Variants in MIR2052HG observed in about 807,000 individuals in gnomAD.
MIR2052HG encodes MIR2052 host gene.
At chr8:74,743,946 G>A (rs1809857065) in intron 4 of MIR2052HG, among the ~76,000 whole-genome samples, 1 of 152,108 alleles carries the variant, frequency 6.6e-6, no homozygotes, top group Non-Finnish European at 1.5e-5. Flanking sequence ...TTAATGCCAC[G>A]AAACTTAAAA....
At chr8:74,640,348 G>T (rs986616597) in intron 2 of MIR2052HG, among the ~76,000 whole-genome samples, 1 of 151,616 alleles carries the variant, frequency 6.6e-6, no homozygotes, top group South Asian at 2.1e-4. Context: ...GTGCTTGCCT[G>T]TAGTCCCAGC....
intron 2 of MIR2052HG, among the ~76,000 whole-genome samples, chr8:74,651,690 T>A (rs1339120690): frequency 1.3e-5 from 2 of 152,188 alleles, no homozygotes; most frequent in African/African-American, 4.8e-5. Flanking sequence ...GAGAACTTCC[T>A]TTTTATCCTC....
At chr8:74,696,286 A>G (rs995148862) in intron 2 of MIR2052HG, among the ~76,000 whole-genome samples, 1 of 152,164 alleles carries the variant, frequency 6.6e-6, no homozygotes, top group Non-Finnish European at 1.5e-5. Context: ...GATAATAGTG[A>G]CACAACCTCT....
chr8:74,747,894 T>C (rs1233118837), intron 4 of MIR2052HG, among the ~76,000 whole-genome samples: 1 of 152,182 alleles, frequency 6.6e-6, no homozygotes, highest in Non-Finnish European at 1.5e-5. Context: ...CCTAGAAAAT[T>C]TTCCTCATGA....
chr8:74,692,855 A>G (rs1563532948), intron 2 of MIR2052HG, among the ~76,000 whole-genome samples: 1 of 152,196 alleles, frequency 6.6e-6, no homozygotes. Flanking sequence ...TCAAGGTTAT[A>G]TGACTCCAGA....
At chr8:74,690,870 C>A (rs1809232894) in intron 2 of MIR2052HG, among the ~76,000 whole-genome samples, 1 of 151,692 alleles carries the variant, frequency 6.6e-6, no homozygotes, top group Admixed American at 6.6e-5. Context: ...CAGAAAGAGG[C>A]AAAAAGGACA....
chr8:74,647,854 A>G (rs1443729656), intron 2 of MIR2052HG, among the ~76,000 whole-genome samples: 1 of 152,152 alleles, frequency 6.6e-6, no homozygotes, highest in Non-Finnish European at 1.5e-5. Context: ...AGGGACATTT[A>G]TCACTTCCCC....
intron 2 of MIR2052HG, among the ~76,000 whole-genome samples, chr8:74,672,611 A>G (rs1809005040): frequency 6.6e-6 from 1 of 152,106 alleles, no homozygotes; most frequent in Non-Finnish European, 1.5e-5. Flanking sequence ...TGGGAAGAAC[A>G]CTGACAGGCA....
rs1163164791 is a variant in MIR2052HG at position 74,755,653 on chromosome 8, G to A, written n.465-2458G>A. On this transcript the variant is annotated intron_variant and non_coding_transcript_variant, in intron 5 of 6. Coordinates refer to ENST00000523442, the Ensembl canonical transcript of MIR2052HG. The stretch of plus-strand genomic sequence containing the variant: ...ACTGTCAGATGCACGGTCTTCCAGC[G>A]TTCTATCCATCTGTTTCCCTGTCTT... Among the ~76,000 whole-genome samples the A allele has an allele frequency of 2.0e-5, 3 of 152,246 alleles. No homozygotes were observed. In the East Asian group the frequency reaches 5.8e-4, roughly 29 times the overall value.
At chr8:74,662,379 T>C (rs1331462790) in intron 2 of MIR2052HG, among the ~76,000 whole-genome samples, 1 of 151,678 alleles carries the variant, frequency 6.6e-6, no homozygotes, top group Non-Finnish European at 1.5e-5. Context: ...AGAAGTAGGA[T>C]TCTAATGAGA....
intron 4 of MIR2052HG, among the ~76,000 whole-genome samples, chr8:74,704,485 A>G (rs962805238): frequency 6.6e-6 from 1 of 152,008 alleles, no homozygotes; most frequent in Non-Finnish European, 1.5e-5. Context: ...GAGATCCAGC[A>G]ATTTCTTTTT....
intron 4 of MIR2052HG, among the ~76,000 whole-genome samples, chr8:74,704,737 G>A (rs1051238522): frequency 2.6e-5 from 4 of 152,002 alleles, no homozygotes; most frequent in African/African-American, 9.7e-5. Flanking sequence ...CATCTACTGA[G>A]ATCTCCCAAA....
At chr8:74,681,192 A>G (rs1809120751) in intron 2 of MIR2052HG, among the ~76,000 whole-genome samples, 2 of 151,720 alleles carry the variant, frequency 1.3e-5, no homozygotes, top group South Asian at 2.1e-4. Flanking sequence ...GTGCACATGT[A>G]CCCTAAAACT....
At chr8:74,610,105 A>C (rs1474065270) in intron 1 of MIR2052HG, 1 of 151,730 alleles carries the variant, frequency 6.6e-6, no homozygotes, top group Non-Finnish European at 1.5e-5. Flanking sequence ...CTTTATTTGC[A>C]GACAACATAA....
chr8:74,698,457 C>A lies in MIR2052HG; in HGVS notation n.217-3922C>A, dbSNP rs189248468. On this transcript the variant is annotated intron_variant and non_coding_transcript_variant, in intron 2 of 6. Coordinates refer to ENST00000523442, the Ensembl canonical transcript of MIR2052HG. ...TAGACATTGGCTTAGGCAAAGACTT[C>A]ATGAACAAGAACCCAAAGGCAAATG... 3.0e-3 allele frequency among the ~76,000 whole-genome samples: 454 copies of A among 152,264 alleles called. 1 individual carries two copies. The highest frequency in any genetic ancestry group is 4.7e-3 in the Admixed American group (72 of 15,298).
chr8:74,710,829 G>C (rs1809459892), intron 4 of MIR2052HG, among the ~76,000 whole-genome samples: 2 of 152,032 alleles, frequency 1.3e-5, no homozygotes, highest in African/African-American at 4.8e-5. Flanking sequence ...GATTATGAGG[G>C]AACTGTATGA....
intron 1 of MIR2052HG, among the ~76,000 whole-genome samples, chr8:74,602,886 A>G (rs1214917158): frequency 5.9e-5 from 1 of 16,890 alleles, no homozygotes; most frequent in Non-Finnish European, 1.1e-4. Flanking sequence ...TTTTCTATTC[A>G]CAAAGAAAAA....
At chr8:74,627,785 G>A (rs889240787) in intron 2 of MIR2052HG, among the ~76,000 whole-genome samples, 3 of 152,184 alleles carry the variant, frequency 2.0e-5, no homozygotes, top group Non-Finnish European at 4.4e-5. Flanking sequence ...GTGTCTGAAT[G>A]TAATTAAAGT....
chr8:74,611,543 G>A (rs1808195202), intron 1 of MIR2052HG, among the ~76,000 whole-genome samples: 3 of 152,242 alleles, frequency 2.0e-5, no homozygotes, highest in Admixed American at 1.3e-4. Context: ...ATCCCCTGCT[G>A]TAATGTAAAA....
Sources: gnomAD v4.1 joint callset for allele counts (sites outside exome capture counted in the v4.1 genomes callset) on GRCh38, gnomAD v4.1.1 for gene constraint, MANE v1.5 for transcripts, NCBI Gene and HGNC (gene_info 2026-07-23, HGNC 2026-07-21) for gene names.